Variants in GREB1L observed in about 807,000 individuals in gnomAD.
GREB1L encodes GREB1 like retinoic acid receptor coactivator.
A neutral mutation model predicts 200.8 loss-of-function variants in GREB1L; 17 were observed. The observed-to-expected ratio is 0.08, with a 90% CI of 0.06 to 0.13. The LOEUF (loss-of-function observed/expected upper bound fraction) is 0.13. Among genes scored for constraint, GREB1L ranks in the 10% least tolerant of loss-of-function variants. The pLI is 1.00. For synonymous variants in GREB1L, 789 were observed against 893.0 expected, an observed-to-expected ratio of 0.88 and a Z score of 2.08; for missense variants, 1,657 against 2,367.7, an observed-to-expected ratio of 0.70 and a Z score of 6.23.
chr18:21,516,789 T>C, intron 30 of GREB1L, 35 bp downstream of exon 30: 1 of 1,536,742 alleles, frequency 6.5e-7, no homozygotes, highest in African/African-American at 1.4e-5. Flanking sequence ...GTGCTGAAAA[T>C]AAGCACAATG....
intron 7 of GREB1L, among the ~76,000 whole-genome samples, chr18:21,407,321 G>A (rs1744865015): frequency 6.6e-6 from 1 of 152,164 alleles, no homozygotes; most frequent in African/African-American, 2.4e-5. Flanking sequence ...TAATCGGGAC[G>A]AGAATTCAGG....
At chr18:21,439,739 T>C in intron 8 of GREB1L, 102 bp downstream of exon 8, 1 of 758,660 alleles carries the variant, frequency 1.3e-6, no homozygotes. Flanking sequence ...CTAGAGTTTT[T>C]TCTCAGTTCG....
intron 2 of GREB1L, among the ~76,000 whole-genome samples, chr18:21,382,569 G>A (rs1168870229): frequency 2.0e-5 from 3 of 147,850 alleles, no homozygotes; most frequent in East Asian, 4.1e-4. Flanking sequence ...TCGGCTTACT[G>A]CAACCTCCGC....
intron 1 of GREB1L, among the ~76,000 whole-genome samples, chr18:21,277,232 C>T (rs981447995): frequency 6.6e-6 from 1 of 152,088 alleles, no homozygotes; most frequent in Non-Finnish European, 1.5e-5. Context: ...CCGGCCCAGC[C>T]CAGCCTTTTG....
chr18:21,350,368 G>T (rs2039415520), intron 1 of GREB1L, among the ~76,000 whole-genome samples: 1 of 151,334 alleles, frequency 6.6e-6, no homozygotes, highest in African/African-American at 2.4e-5. Flanking sequence ...CTCCCGAGTA[G>T]CTGAGATTAC....
At chr18:21,508,714 G>GC in intron 27 of GREB1L, 123 bp downstream of exon 27, 31 of 321,004 alleles carry the variant, frequency 9.7e-5, no homozygotes, top group Middle Eastern at 7.8e-4. Flanking sequence ...ACCACTCTTC[G>GC]GAAAAAAAAA....
At chr18:21,449,433 G>A in intron 11 of GREB1L, 77 bp from the exon 12 acceptor site, 1 of 847,738 alleles carries the variant, frequency 1.2e-6, no homozygotes, top group Non-Finnish European at 1.8e-6. Context: ...GAGAAGGACT[G>A]CAGGAAAGCA....
At position 21,522,728 on chromosome 18, in the gene GREB1L, A is replaced by T. The variant is rs1028569074; in HGVS notation, c.5679A>T (p.Glu1893Asp). 15 of 1,551,634 alleles carry T rather than the reference A, an allele frequency of 9.7e-6. No individual in the cohort carries two copies. The Admixed American group carries it at 2.0e-4, about 20-fold the overall frequency. Residue 1893 changes from glutamate (E) to aspartate (D), a missense_variant, in exon 33 of 33, where the codon GAA (glutamate) becomes GAT (aspartate). By Grantham distance (45) the Glu-to-Asp change is conservative. Coordinates refer to ENST00000424526, the MANE Select transcript of GREB1L (RefSeq NM_001142966.3). ...LRQTIVRLEL[E>D]DEWQFRLRDE... Reference sequence around the variant, plus strand: ...AAACAATTGTCCGCTTAGAGCTAGAAGATGAGTGGCAGTTCCGCCTCCGGG... The same window carrying T: ...AAACAATTGTCCGCTTAGAGCTAGATGATGAGTGGCAGTTCCGCCTCCGGG...
intron 14 of GREB1L, 22 bp from the exon 15 acceptor site, chr18:21,454,344 A>G (rs2034658980): frequency 6.6e-7 from 1 of 1,510,224 alleles, no homozygotes; most frequent in Non-Finnish European, 9.0e-7. Context: ...CCTTGTTCTT[A>G]TGACTTCTCT....
intron 2 of GREB1L, among the ~76,000 whole-genome samples, chr18:21,366,541 T>G (rs1253342103): frequency 2.6e-5 from 4 of 152,094 alleles, no homozygotes; most frequent in African/African-American, 9.7e-5. Context: ...CTGAGATATA[T>G]GTTCTAAAGA....
chr18:21,296,795 T>C (rs570549570), intron 1 of GREB1L, among the ~76,000 whole-genome samples: 8 of 152,036 alleles, frequency 5.3e-5, no homozygotes, highest in Non-Finnish European at 1.2e-4. Flanking sequence ...TCTGGGACTA[T>C]AGGCACATGC....
intron 1 of GREB1L, among the ~76,000 whole-genome samples, chr18:21,261,079 A>G (rs1299240250): frequency 6.6e-6 from 1 of 152,000 alleles, no homozygotes; most frequent in Admixed American, 6.6e-5. Flanking sequence ...CTAATAATTA[A>G]ATCTGAGCTG....
At chr18:21,293,003 C>G (rs1383248114) in intron 1 of GREB1L, among the ~76,000 whole-genome samples, 3 of 152,172 alleles carry the variant, frequency 2.0e-5, no homozygotes, top group Non-Finnish European at 2.9e-5. Flanking sequence ...AGAGGATCAA[C>G]ATTGGATTGG....
At chr18:21,404,953 G>C (rs1392834193) in intron 7 of GREB1L, among the ~76,000 whole-genome samples, 2 of 152,152 alleles carry the variant, frequency 1.3e-5, no homozygotes, top group African/African-American at 4.8e-5. Context: ...AAATTAATGT[G>C]AAATTCTGAT....
chr18:21,285,375 C>T (rs1398810751), intron 1 of GREB1L, among the ~76,000 whole-genome samples: 1 of 152,014 alleles, frequency 6.6e-6, no homozygotes, highest in African/African-American at 2.4e-5. Context: ...TCCTTTTTGC[C>T]ACATAGCTCA....
chr18:21,252,939 G>A (rs1470847058), intron 1 of GREB1L, among the ~76,000 whole-genome samples: 2 of 152,148 alleles, frequency 1.3e-5, no homozygotes, highest in African/African-American at 4.8e-5. Flanking sequence ...GATAATTTGA[G>A]GGAGATTGAC....
Position 21,299,344 on chromosome 18 carries a change from G to GT in GREB1L, c.-120+56954dup, listed in dbSNP as rs1484113313. On this transcript the variant is annotated intron_variant, in intron 1 of 32. Coordinates refer to ENST00000424526, the MANE Select transcript of GREB1L (RefSeq NM_001142966.3). Reference sequence around the variant, plus strand: ...TCCAGTATTCATTTTAAGCTACATGGTTTAAAATTAAGCCAGAAAATATTC... The same window carrying GT: ...TCCAGTATTCATTTTAAGCTACATGGTTTTAAAATTAAGCCAGAAAATATTC... Among the ~76,000 whole-genome samples, 22 of 151,320 alleles carry GT rather than the reference G, an allele frequency of 1.5e-4. No individual in the cohort carries two copies. In the South Asian group the frequency reaches 4.6e-3, roughly 32 times the overall value.
At chr18:21,514,231 C>T (rs572233538) in intron 28 of GREB1L, among the ~76,000 whole-genome samples, 1 of 152,278 alleles carries the variant, frequency 6.6e-6, no homozygotes, top group South Asian at 2.1e-4. Flanking sequence ...TTAAAGTCTA[C>T]TGCGGCCAGG....
At chr18:21,390,406 A>C (rs2040748385) in intron 4 of GREB1L, among the ~76,000 whole-genome samples, 1 of 152,174 alleles carries the variant, frequency 6.6e-6, no homozygotes, top group South Asian at 2.1e-4. Context: ...TTTGCCCTGA[A>C]GACCTTCCAG....
Sources: allele counts gnomAD v4.1 joint callset (sites outside exome capture counted in the v4.1 genomes callset), GRCh38; gene constraint gnomAD v4.1.1; transcripts MANE v1.5; gene names NCBI Gene and HGNC (gene_info 2026-07-23, HGNC 2026-07-21).